PTPRD: variants seen among roughly 807,000 people sequenced by gnomAD.
PTPRD encodes the protein protein tyrosine phosphatase receptor type D.
In PTPRD, 34 loss-of-function variants were observed where a neutral mutation model predicts 214.5. The observed-to-expected ratio is 0.16, with a 90% CI of 0.12 to 0.21. PTPRD has a LOEUF of 0.21. Among genes scored for constraint, PTPRD ranks in the 10% least tolerant of loss-of-function variants. The probability of loss-of-function intolerance (pLI) is 1.00; values close to 1 mark genes in which losing one functional copy is unlikely to be tolerated. For missense variants in PTPRD, 2,545 were observed against 2,398.7 expected (o/e 1.06, Z -1.27); for synonymous variants, 1,128 against 845.7 (o/e 1.33, Z -5.79).
rs146411884 is a variant in PTPRD, at chr9:9,005,257, G to A, written c.-104+13440C>T. ...GCATTTTGAATGATATAGAAGAAAT[G>A]CAAAACTCCATCTGAGTGACAATTT... On this transcript the variant is annotated intron_variant, in intron 11 of 45. Coordinates refer to ENST00000381196, the MANE Select transcript of PTPRD (RefSeq NM_002839.4). Among the ~76,000 whole-genome samples the A allele has an allele frequency of 5.1e-3, 771 of 152,128 alleles. 3 individuals carry two copies. Among genetic ancestry groups the A allele is most frequent in the African/African-American group, 0.016 (685 of 41,528 alleles).
At chr9:10,429,528 AC>A (rs2098657181) in intron 2 of PTPRD, among the ~76,000 whole-genome samples, 1 of 152,014 alleles carries the variant, frequency 6.6e-6, no homozygotes, top group South Asian at 2.1e-4. Flanking sequence ...ATTTTCAGCA[AC>A]ATGGATGGAA....
At chr9:8,612,572 G>A (rs139438402) in intron 14 of PTPRD, among the ~76,000 whole-genome samples, 1 of 152,226 alleles carries the variant, frequency 6.6e-6, no homozygotes, top group Non-Finnish European at 1.5e-5. Context: ...GAATGCATTG[G>A]TCAGAAGAAG....
At chr9:9,998,383 A>C (rs1213842995) in intron 4 of PTPRD, among the ~76,000 whole-genome samples, 1 of 151,710 alleles carries the variant, frequency 6.6e-6, no homozygotes, top group Non-Finnish European at 1.5e-5. Flanking sequence ...AAGGAAAAAA[A>C]GTAGACCTCC....
intron 10 of PTPRD, among the ~76,000 whole-genome samples, chr9:9,075,186 T>C (rs967949555): frequency 4.6e-5 from 7 of 152,086 alleles, no homozygotes; most frequent in Non-Finnish European, 1.0e-4. Flanking sequence ...TAGGTGTATA[T>C]ATTTTTAGGG....
intron 14 of PTPRD, among the ~76,000 whole-genome samples, chr9:8,565,812 C>A (rs1220777021): frequency 6.6e-6 from 1 of 152,128 alleles, no homozygotes; most frequent in Non-Finnish European, 1.5e-5. Flanking sequence ...AGTTATTCAT[C>A]AAAGTTTTAT....
At chr9:8,934,128 T>C (rs771822429) in intron 11 of PTPRD, among the ~76,000 whole-genome samples, 1 of 151,454 alleles carries the variant, frequency 6.6e-6, no homozygotes, top group Non-Finnish European at 1.5e-5. Flanking sequence ...GCTGAACTGA[T>C]AAGAGAGAAA....
chr9:10,051,101 CA>C (rs1306411494), intron 3 of PTPRD, among the ~76,000 whole-genome samples: 2 of 151,890 alleles, frequency 1.3e-5, no homozygotes, highest in Non-Finnish European at 2.9e-5. Context: ...ATGCAGAAGC[CA>C]CTGAATTCTG....
intron 14 of PTPRD, among the ~76,000 whole-genome samples, chr9:8,584,766 T>C (rs913764899): frequency 3.3e-5 from 5 of 152,152 alleles, no homozygotes; most frequent in Non-Finnish European, 5.9e-5. Context: ...TACCTGAGAA[T>C]GGGTAATTTA....
chr9:9,947,575 TTA>T lies in PTPRD; in HGVS notation c.-471-8967_-471-8966del, dbSNP rs1197336438. On this transcript the variant is annotated intron_variant, in intron 4 of 45. Transcript: ENST00000381196. ...ATTATATATATATTTTATATATATA[TTA>T]TATATATATTATATATATAATATAT... Among the ~76,000 whole-genome samples, 120 of 41,982 alleles carry T rather than the reference TTA, an allele frequency of 2.9e-3. 4 individuals are homozygous for T. The highest frequency in any genetic ancestry group is 3.5e-3 in the Non-Finnish European group (99 of 27,888). The allele number at this position is 41,982 out of a possible 152,430, so 27.5% of individuals were successfully genotyped here.
chr9:9,530,680 A>C (rs569594139), intron 8 of PTPRD, among the ~76,000 whole-genome samples: 1 of 152,202 alleles, frequency 6.6e-6, no homozygotes, highest in African/African-American at 2.4e-5. Flanking sequence ...ACACAATGAC[A>C]CACAATGAAA....
At chr9:8,784,421 T>C (rs1487229467) in intron 11 of PTPRD, among the ~76,000 whole-genome samples, 2 of 152,252 alleles carry the variant, frequency 1.3e-5, no homozygotes, top group African/African-American at 2.4e-5. Flanking sequence ...GCTTAAGGTG[T>C]ATGATTCTCT....
At chr9:9,474,127 T>C (rs953285325) in intron 8 of PTPRD, among the ~76,000 whole-genome samples, 1 of 152,106 alleles carries the variant, frequency 6.6e-6, no homozygotes, top group Non-Finnish European at 1.5e-5. Flanking sequence ...TTTCAGTTGA[T>C]TTTTGTAGAT....
At chr9:8,662,939 G>C (rs144373246) in intron 12 of PTPRD, among the ~76,000 whole-genome samples, 2 of 152,192 alleles carry the variant, frequency 1.3e-5, no homozygotes, top group Non-Finnish European at 2.9e-5. Context: ...AAAGTCAGTA[G>C]AGACACACCA....
chr9:8,989,740 G>A (rs964080722), intron 11 of PTPRD, among the ~76,000 whole-genome samples: 2 of 152,002 alleles, frequency 1.3e-5, no homozygotes, highest in Non-Finnish European at 2.9e-5. Flanking sequence ...AATTATAAGC[G>A]ATTCTTACTT....
At chr9:9,273,822 T>C (rs1162791447) in intron 9 of PTPRD, among the ~76,000 whole-genome samples, 2 of 151,320 alleles carry the variant, frequency 1.3e-5, no homozygotes, top group African/African-American at 2.4e-5. Flanking sequence ...CTAGGAGTTT[T>C]GACCCATTCT....
intron 11 of PTPRD, among the ~76,000 whole-genome samples, chr9:8,900,055 A>G (rs2098654728): frequency 6.6e-6 from 1 of 151,656 alleles, no homozygotes; most frequent in African/African-American, 2.4e-5. Flanking sequence ...ATGTGTATCA[A>G]AACTGCATTG....
intron 10 of PTPRD, among the ~76,000 whole-genome samples, chr9:9,036,381 T>A (rs577352548): frequency 6.6e-6 from 1 of 152,128 alleles, no homozygotes; most frequent in East Asian, 1.9e-4. Flanking sequence ...AGGAAGTGAT[T>A]GTTAAAAATA....
chr9:8,581,913 C>CA (rs36007156), intron 14 of PTPRD, among the ~76,000 whole-genome samples: 6,095 of 34,844 alleles, frequency 0.17, 1,308 homozygotes, highest in Middle Eastern at 0.44. Flanking sequence ...ACTCAATCTC[C>CA]AAAAAAAAAA....
chr9:9,665,238 G>T (rs2096698116), intron 7 of PTPRD, among the ~76,000 whole-genome samples: 1 of 151,520 alleles, frequency 6.6e-6, no homozygotes, highest in Admixed American at 6.6e-5. Context: ...CCTTAGAATG[G>T]TCCATTTAAA....
Sources: allele counts gnomAD v4.1 joint callset (sites outside exome capture counted in the v4.1 genomes callset), GRCh38; gene constraint gnomAD v4.1.1; transcripts MANE v1.5; gene names NCBI Gene and HGNC (gene_info 2026-07-23, HGNC 2026-07-21).